Variants in DST observed in about 807,000 individuals in gnomAD.
DST encodes dystonin, also known as bullous pemphigoid antigen.
DST carries 253 observed loss-of-function variants against 875.2 expected under a neutral mutation model. The ratio of observed to expected loss-of-function variants is 0.29; its 90% CI spans 0.26 to 0.32. The LOEUF is 0.32. DST is among the 10% of genes least tolerant of loss of function. The pLI, the probability that DST is intolerant of heterozygous loss-of-function variation, is 1.00. For missense variants in DST, 8,287 were observed against 9,111.6 expected, an observed-to-expected ratio of 0.91 and a Z score of 3.68; for synonymous variants, 3,124 against 3,197.1, an observed-to-expected ratio of 0.98 and a Z score of 0.77.
intron 26 of DST, 44 bp from the exon 27 acceptor site, chr6:56,634,302 T>A (rs1287761245): frequency 6.2e-7 from 1 of 1,612,878 alleles, no homozygotes; most frequent in Admixed American, 1.7e-5. Flanking sequence ...TTTTACTCCC[T>A]CTGAAAACAC....
chr6:56,479,901 C>T lies in DST; in HGVS notation c.21531+2149G>A, dbSNP rs183618916. Among the ~76,000 whole-genome samples the T allele has an allele frequency of 2.7e-3, 404 of 152,190 alleles. 1 individual carries two copies. Among genetic ancestry groups the T allele is most frequent in the Non-Finnish European group, 3.8e-3 (255 of 67,998 alleles). On this transcript the variant is annotated intron_variant, in intron 90 of 103. Coordinates refer to ENST00000680361, the MANE Select transcript of DST (RefSeq NM_001374736.1). ...TTACTCAATATACTCATATAGCAAACGTGTACATGTACTCTCTGAATTTAA... is the reference window on the plus strand; with the variant it reads ...TTACTCAATATACTCATATAGCAAATGTGTACATGTACTCTCTGAATTTAA...
chr6:56,547,106 G>A (rs1197033140), intron 61 of DST, among the ~76,000 whole-genome samples: 1 of 152,196 alleles, frequency 6.6e-6, no homozygotes, highest in Non-Finnish European at 1.5e-5. Context: ...AAACTGAAAA[G>A]AGAACATGTT....
At position 56,492,918 on chromosome 6, in the gene DST, T is replaced by A. The variant is rs1300744194; in HGVS notation, c.20550+16A>T. The A allele has an allele frequency of 1.9e-6, 3 of 1,541,902 alleles. No individual in the cohort carries two copies. The highest frequency in any genetic ancestry group is 2.6e-6 in the Non-Finnish European group (3 of 1,148,538). ...TGTCTGAAAAGAGAATCCTATCTAT[T>A]TGACTCACTACATACCTTGTGTTCG... On this transcript the variant is annotated intron_variant, in intron 84 of 103. Coordinates refer to ENST00000680361, the MANE Select transcript of DST (RefSeq NM_001374736.1).
intron 5 of DST, among the ~76,000 whole-genome samples, chr6:56,731,964 T>C (rs1175813477): frequency 6.6e-6 from 1 of 152,254 alleles, no homozygotes; most frequent in Non-Finnish European, 1.5e-5. Flanking sequence ...AAACAAATGA[T>C]GTCACAAATC....
intron 4 of DST, among the ~76,000 whole-genome samples, chr6:56,773,653 C>G (rs905088205): frequency 1.3e-5 from 2 of 152,106 alleles, no homozygotes; most frequent in African/African-American, 4.8e-5. Flanking sequence ...CCAGTGTTGC[C>G]AGATCACCTG....
chr6:56,671,073 A>G (rs980396243), intron 9 of DST, among the ~76,000 whole-genome samples: 3 of 152,124 alleles, frequency 2.0e-5, no homozygotes, highest in Non-Finnish European at 4.4e-5. Context: ...AATTTTCCCC[A>G]TTTTACATAT....
chr6:56,698,388 C>G (rs1362099388), intron 9 of DST, among the ~76,000 whole-genome samples: 4 of 151,724 alleles, frequency 2.6e-5, no homozygotes, highest in African/African-American at 9.7e-5. Context: ...TGCAGTGGCG[C>G]AATCTCAGCT....
intron 5 of DST, among the ~76,000 whole-genome samples, chr6:56,720,561 C>G (rs1027619884): frequency 1.3e-5 from 2 of 151,998 alleles, no homozygotes; most frequent in Non-Finnish European, 2.9e-5. Context: ...TGACTCTTAA[C>G]CAGCATGCTG....
chr6:56,886,613 T>C (rs1784767495), intron 3 of DST, among the ~76,000 whole-genome samples: 1 of 152,018 alleles, frequency 6.6e-6, no homozygotes, highest in South Asian at 2.1e-4. Context: ...CCGTCTCTAC[T>C]AAAAATACAA....
intron 3 of DST, among the ~76,000 whole-genome samples, chr6:56,896,782 A>G (rs1791530430): frequency 6.6e-6 from 1 of 152,124 alleles, no homozygotes; most frequent in Non-Finnish European, 1.5e-5. Context: ...CTGTCTATTC[A>G]TGTCCTTAGC....
chr6:56,511,949 A>G (rs1050975316), intron 72 of DST, among the ~76,000 whole-genome samples: 2 of 152,154 alleles, frequency 1.3e-5, no homozygotes, highest in Non-Finnish European at 2.9e-5. Flanking sequence ...CAAGATAAGG[A>G]ATGTTAGGGT....
Position 56,604,090 on chromosome 6 carries a change from T to G in DST, c.10538A>C (p.Gln3513Pro). The change falls in exon 40 of 104, where the codon CAA becomes CCA. Residue 3513 changes from glutamine (Q) to proline (P), a missense_variant. Transcript: ENST00000680361. Reference sequence around the variant, plus strand: ...CATCTCAGATGTAGAACATGCTTTTTGATTAAAGTCTCCAACATGTTCTAT... The same window carrying G: ...CATCTCAGATGTAGAACATGCTTTTGGATTAAAGTCTCCAACATGTTCTAT... ...EKIEHVGDFN[Q>P]KACSTSEMME... 6.3e-7 allele frequency: 1 copy of G among 1,579,312 alleles called. No individual in the cohort carries two copies. The highest frequency in any genetic ancestry group is 8.6e-7 in the Non-Finnish European group (1 of 1,160,212).
At chr6:56,532,296 CAG>C (rs2096909426) in intron 64 of DST, 46 bp downstream of exon 64, 1 of 1,548,730 alleles carries the variant, frequency 6.5e-7, no homozygotes. Context: ...GTTTTGTAGA[CAG>C]AGGCCACTGC....
At chr6:56,507,158 A>G (rs1464128208) in intron 75 of DST, among the ~76,000 whole-genome samples, 2 of 152,218 alleles carry the variant, frequency 1.3e-5, no homozygotes, top group Non-Finnish European at 2.9e-5. Context: ...CAAAAACAAT[A>G]CAAATTAATA....
At chr6:56,669,420 A>T (rs1322794607) in intron 10 of DST, among the ~76,000 whole-genome samples, 1 of 151,822 alleles carries the variant, frequency 6.6e-6, no homozygotes, top group Non-Finnish European at 1.5e-5. Flanking sequence ...AAATGGTGAA[A>T]CCCCATCTCT....
At chr6:56,510,654 G>T (rs1258889481) in intron 73 of DST, among the ~76,000 whole-genome samples, 1 of 152,118 alleles carries the variant, frequency 6.6e-6, no homozygotes, top group Non-Finnish European at 1.5e-5. Context: ...ACACAGGATT[G>T]TGACACTGGC....
At chr6:56,846,537 C>A (rs147094153) in intron 4 of DST, among the ~76,000 whole-genome samples, 143 of 152,324 alleles carry the variant, frequency 9.4e-4, no homozygotes, top group African/African-American at 3.3e-3. Flanking sequence ...AACAGCAGAT[C>A]TGTATTGCTC....
intron 72 of DST, among the ~76,000 whole-genome samples, chr6:56,514,620 TGC>T (rs1390541610): frequency 4.8e-5 from 5 of 104,272 alleles, no homozygotes; most frequent in Admixed American, 8.6e-5. Flanking sequence ...CACCCCCTCA[TGC>T]GCATACACAC....
At chr6:56,924,081 G>C (rs1437829831) in intron 2 of DST, among the ~76,000 whole-genome samples, 1 of 152,008 alleles carries the variant, frequency 6.6e-6, no homozygotes, top group Non-Finnish European at 1.5e-5. Context: ...CCGAGATCAC[G>C]CCACTGCTCT....
Sources: gnomAD v4.1 joint callset for allele counts (sites outside exome capture counted in the v4.1 genomes callset) on GRCh38, gnomAD v4.1.1 for gene constraint, MANE v1.5 for transcripts, NCBI Gene and HGNC (gene_info 2026-07-23, HGNC 2026-07-21) for gene names.